CYFIP2: variants seen among roughly 807,000 people sequenced by gnomAD.
The protein encoded by CYFIP2 is cytoplasmic FMR1 interacting protein 2, also known as cytoplasmic FMR1-interacting protein 2.
In CYFIP2, 29 loss-of-function variants were observed where a neutral mutation model predicts 158.7. That is an observed-to-expected ratio of 0.18 (90% CI 0.14 to 0.25). The LOEUF is 0.25. Among genes scored for constraint, CYFIP2 ranks in the 10% least tolerant of loss-of-function variants. CYFIP2 has a pLI of 1.00. For synonymous variants in CYFIP2, 585 were observed against 617.6 expected (o/e 0.95, Z 0.78); for missense variants, 852 against 1,639.5 (o/e 0.52, Z 8.29).
intron 25 of CYFIP2, among the ~76,000 whole-genome samples, chr5:157,360,797 G>A (rs1313206483): frequency 4.6e-5 from 7 of 152,190 alleles, no homozygotes; most frequent in East Asian, 1.9e-4. Flanking sequence ...CTGTTTGACC[G>A]CTGGGCAGAG....
chr5:157,288,477 TG>T (rs750971894), intron 3 of CYFIP2: 1 of 393,924 alleles, frequency 2.5e-6, no homozygotes, highest in Non-Finnish European at 5.0e-6. Context: ...ATAAGTATTG[TG>T]TGGCTGGTGC....
At chr5:157,360,038 A>C (rs926153591) in intron 24 of CYFIP2, among the ~76,000 whole-genome samples, 3 of 152,350 alleles carry the variant, frequency 2.0e-5, no homozygotes, top group Admixed American at 2.0e-4. Flanking sequence ...TGCTATAAGC[A>C]TCCTCAGCCC....
At chr5:157,333,205 C>G in intron 20 of CYFIP2, 122 bp from the exon 21 acceptor site, 1 of 1,279,606 alleles carries the variant, frequency 7.8e-7, no homozygotes, top group Non-Finnish European at 1.1e-6. Flanking sequence ...TCCAGGAAAC[C>G]CCTCCCACCT....
chr5:157,350,072 G>A (rs1170276667), intron 23 of CYFIP2, among the ~76,000 whole-genome samples: 2 of 152,116 alleles, frequency 1.3e-5, no homozygotes, highest in Admixed American at 1.3e-4. Context: ...CCCACTCTGT[G>A]GGTTGTCTGT....
At chr5:157,335,175 G>A (rs1007107904) in intron 21 of CYFIP2, among the ~76,000 whole-genome samples, 11 of 152,276 alleles carry the variant, frequency 7.2e-5, no homozygotes, top group African/African-American at 2.6e-4. Context: ...GCTTCTCCAA[G>A]CCTGTTTCCT....
At chr5:157,327,291 G>A (rs1192186564) in intron 18 of CYFIP2, among the ~76,000 whole-genome samples, 3 of 152,236 alleles carry the variant, frequency 2.0e-5, no homozygotes, top group African/African-American at 7.2e-5. Context: ...GTGGCCACAT[G>A]TGGTGGCTCA....
intron 26 of CYFIP2, among the ~76,000 whole-genome samples, chr5:157,374,673 G>C (rs530755983): frequency 6.6e-6 from 1 of 152,122 alleles, no homozygotes; most frequent in African/African-American, 2.4e-5. Context: ...AGTCCTGTAC[G>C]GCAAGGCAAT....
chr5:157,286,695 T>C (rs1757422528), intron 2 of CYFIP2, among the ~76,000 whole-genome samples: 1 of 152,176 alleles, frequency 6.6e-6, no homozygotes, highest in African/African-American at 2.4e-5. Context: ...TGAGTATTTC[T>C]GGAACTGCCG....
intron 30 of CYFIP2, among the ~76,000 whole-genome samples, chr5:157,392,594 C>A (rs1019568100): frequency 1.2e-4 from 19 of 152,144 alleles, no homozygotes; most frequent in African/African-American, 4.3e-4. Context: ...TACCTTTTTA[C>A]CAGTGCCACA....
chr5:157,369,580 C>G (rs1764773181), intron 26 of CYFIP2, among the ~76,000 whole-genome samples: 2 of 152,198 alleles, frequency 1.3e-5, no homozygotes, highest in Admixed American at 6.5e-5. Context: ...CCAAAGCCAG[C>G]TCAATTTTTG....
intron 26 of CYFIP2, chr5:157,376,637 G>A (rs535064930): frequency 1.1e-4 from 20 of 182,000 alleles, no homozygotes; most frequent in Non-Finnish European, 2.1e-4. Flanking sequence ...CAGAATTTAT[G>A]TATTCCCTTG....
intron 28 of CYFIP2, among the ~76,000 whole-genome samples, chr5:157,388,778 G>GGAGTCC (rs1217471797): frequency 2.0e-5 from 3 of 152,166 alleles, no homozygotes; most frequent in African/African-American, 7.2e-5. Flanking sequence ...TACCTCATGG[G>GGAGTCC]ATGGAATGGA....
intron 1 of CYFIP2, among the ~76,000 whole-genome samples, chr5:157,274,499 T>G (rs1387843948): frequency 6.6e-6 from 1 of 152,252 alleles, no homozygotes; most frequent in Non-Finnish European, 1.5e-5. Context: ...TTAGTTCTGC[T>G]TTTTAGCTAT....
chr5:157,304,173 C>T, intron 7 of CYFIP2, 65 bp from the exon 8 acceptor site: 2 of 1,548,824 alleles, frequency 1.3e-6, no homozygotes, highest in Non-Finnish European at 8.7e-7. Context: ...AGGGCTTCTG[C>T]AGGGGTGCAG....
At chr5:157,289,796 G>T (rs1477504830) in intron 3 of CYFIP2, among the ~76,000 whole-genome samples, 2 of 152,094 alleles carry the variant, frequency 1.3e-5, no homozygotes, top group African/African-American at 4.8e-5. Context: ...CATAACAGAA[G>T]GCTTTAGTTT....
intron 27 of CYFIP2, among the ~76,000 whole-genome samples, chr5:157,382,992 A>G (rs1002521923): frequency 4.6e-5 from 7 of 152,202 alleles, no homozygotes; most frequent in Non-Finnish European, 8.8e-5. Flanking sequence ...GTATAGTGAT[A>G]TCTAGACTTG....
In CYFIP2 at chr5:157,383,347, G is replaced by A. The variant is rs376770442; in HGVS notation, c.3195G>A (p.Leu1065=). 6.2e-7 allele frequency: 1 copy of A among 1,613,716 alleles called. No homozygotes were observed. Among genetic ancestry groups the A allele is most frequent in the East Asian group, 2.2e-5 (1 of 44,870 alleles). The change falls in exon 28 of 31, where the codon CTG becomes CTA. Residue 1065 remains leucine, a synonymous_variant. Coordinates refer to ENST00000620254, the MANE Select transcript of CYFIP2 (RefSeq NM_001037333.3). ...ACCTGGTCCCTCTGATCGAGCGGCTGGGGACCCCTCAGGTACCAATCTTAT... is the reference window on the plus strand; with the variant it reads ...ACCTGGTCCCTCTGATCGAGCGGCTAGGGACCCCTCAGGTACCAATCTTAT... ...PLHLVPLIER[L]GTPQQIAIAR...
rs571541026 is a variant in CYFIP2, at chr5:157,365,819, C to T, written c.3039+4221C>T. On this transcript the variant is annotated intron_variant, in intron 26 of 30. Coordinates refer to ENST00000620254, the MANE Select transcript of CYFIP2 (RefSeq NM_001037333.3). ...TTCAACATTACATTTGAGATTCATCCATGTTGTAGATGATCCATTTTTTAT... is the reference window on the plus strand; with the variant it reads ...TTCAACATTACATTTGAGATTCATCTATGTTGTAGATGATCCATTTTTTAT... Among the ~76,000 whole-genome samples, 8 of 66,466 alleles carry T rather than the reference C, an allele frequency of 1.2e-4. No individual in the cohort carries two copies. The East Asian group carries it at 1.8e-3, about 15-fold the overall frequency. The allele number at this position is 66,466 out of a possible 152,430, so 43.6% of individuals were successfully genotyped here.
chr5:157,369,025 A>C (rs948204216), intron 26 of CYFIP2, among the ~76,000 whole-genome samples: 1 of 151,672 alleles, frequency 6.6e-6, no homozygotes, highest in African/African-American at 2.4e-5. Flanking sequence ...CAGCCTCCCA[A>C]GTAGCTGGGA....
Sources: gnomAD v4.1 joint callset for allele counts (sites outside exome capture counted in the v4.1 genomes callset) on GRCh38, gnomAD v4.1.1 for gene constraint, MANE v1.5 for transcripts, NCBI Gene and HGNC (gene_info 2026-07-23, HGNC 2026-07-21) for gene names.